The following SMYD2 variants were observed in gnomAD, a reference collection of about 807,000 sequenced individuals.
SMYD2 encodes the protein N-lysine methyltransferase SMYD2.
In SMYD2, 53 loss-of-function variants were observed where a neutral mutation model predicts 59.1. The ratio of observed to expected loss-of-function variants is 0.90; its 90% CI spans 0.72 to 1.13. The LOEUF is 1.13. SMYD2 is among the 50% of genes most tolerant of loss of function. The pLI, the probability that SMYD2 is intolerant of heterozygous loss-of-function variation, is 0.00. For synonymous variants in SMYD2, 208 were observed against 198.8 expected (o/e 1.05, Z -0.39); for missense variants, 494 against 544.7 (o/e 0.91, Z 0.93).
chr1:214,336,970 A>G lies in SMYD2; in HGVS notation c.*186A>G, dbSNP rs1657450324. The G allele has an allele frequency of 2.0e-6, 1 of 510,770 alleles. No homozygotes were observed. Among genetic ancestry groups the G allele is most frequent in the African/African-American group, 2.0e-5 (1 of 50,506 alleles). 31.6% of individuals were successfully genotyped at this position (510,770 alleles called of 1,614,324 possible). A position where few individuals can be genotyped will look rare whatever the true frequency, so the allele number is the denominator to read the frequency against. ...GTCTGAATCTTGAACTTTAATACCA[A>G]ATTAATTTTGAATGCTTTTGTTTCC... On this transcript the variant is annotated 3_prime_UTR_variant, in exon 12 of 12. Coordinates refer to ENST00000366957, the MANE Select transcript of SMYD2 (RefSeq NM_020197.3).
At chr1:214,330,105 G>A (rs1252574315) in intron 7 of SMYD2, 63 bp from the exon 8 acceptor site, 3 of 1,154,406 alleles carry the variant, frequency 2.6e-6, no homozygotes, top group South Asian at 3.1e-5. Context: ...GCAAAGGCAC[G>A]GGAATGACAA....
chr1:214,316,274 C>G (rs919513691), intron 3 of SMYD2, among the ~76,000 whole-genome samples: 1 of 152,048 alleles, frequency 6.6e-6, no homozygotes, highest in African/African-American at 2.4e-5. Flanking sequence ...AGTTCGAGAC[C>G]AGCCTTGGCA....
At chr1:214,336,600 C>T (rs1657442955) in intron 11 of SMYD2, 104 bp from the exon 12 acceptor site, 3 of 913,172 alleles carry the variant, frequency 3.3e-6, no homozygotes, top group Admixed American at 2.4e-5. Flanking sequence ...GGCCAGTTTG[C>T]ATCCTGTGCC....
intron 1 of SMYD2, among the ~76,000 whole-genome samples, chr1:214,293,011 TTGTGTGTGTGTGTGTGTGTGTGTGTG>T (rs58012666): frequency 0.012 from 1,650 of 137,432 alleles, 36 homozygotes; most frequent in African/African-American, 0.04. Context: ...CTTTTTCTGT[TTGTGTGTGTGTGTGTGTGTGTGTGTG>T]TGTGTGTGTG....
intron 1 of SMYD2, among the ~76,000 whole-genome samples, chr1:214,292,627 T>C (rs1410518893): frequency 6.6e-6 from 1 of 152,222 alleles, no homozygotes; most frequent in African/African-American, 2.4e-5. Flanking sequence ...GCCCTTTGCA[T>C]AGGCCTCATC....
In SMYD2 at chr1:214,319,003, G is replaced by GT. The variant is rs1219734990; in HGVS notation, c.534+21dup. 1 of 1,612,410 alleles carries GT rather than the reference G, an allele frequency of 6.2e-7. No individual in the cohort carries two copies. The highest frequency in any genetic ancestry group is 1.3e-5 in the African/African-American group (1 of 74,840). ...GCACAGGTAAGGACGCTGGCAGCAG[G>GT]TAACACTCAGTCTGGCCTTTCCCTC... is the stretch of plus-strand genomic sequence containing the variant. On this transcript the variant is annotated intron_variant, in intron 5 of 11. Coordinates refer to ENST00000366957, the MANE Select transcript of SMYD2 (RefSeq NM_020197.3).
intron 1 of SMYD2, among the ~76,000 whole-genome samples, chr1:214,300,415 G>T (rs1415519336): frequency 6.6e-6 from 1 of 151,988 alleles, no homozygotes; most frequent in African/African-American, 2.4e-5. Context: ...AGTGAAATGG[G>T]TTCCTGGAGC....
chr1:214,292,259 G>A (rs1656647843), intron 1 of SMYD2, among the ~76,000 whole-genome samples: 1 of 152,168 alleles, frequency 6.6e-6, no homozygotes, highest in Middle Eastern at 3.2e-3. Flanking sequence ...TTGCTCTGCT[G>A]TGTTATTTTC....
At chr1:214,332,447 T>C (rs1004850479) in intron 10 of SMYD2, 4 of 395,178 alleles carry the variant, frequency 1.0e-5, no homozygotes, top group African/African-American at 8.1e-5. Flanking sequence ...TCCAGGGCCA[T>C]ATCCATAGTA....
At chr1:214,320,721 C>T (rs1027882591) in intron 5 of SMYD2, among the ~76,000 whole-genome samples, 8 of 152,172 alleles carry the variant, frequency 5.3e-5, no homozygotes, top group Non-Finnish European at 1.0e-4. Context: ...CTTTTATAAA[C>T]TTTATTTAGA....
intron 11 of SMYD2, among the ~76,000 whole-genome samples, chr1:214,335,417 T>C (rs1238040123): frequency 6.6e-6 from 1 of 152,216 alleles, no homozygotes; most frequent in Non-Finnish European, 1.5e-5. Context: ...ACATGAGTCT[T>C]GAAATGAATG....
In SMYD2 at chr1:214,330,183, A is replaced by G; in HGVS notation, c.721A>G (p.Ile241Val). 1.2e-6 allele frequency: 2 copies of G among 1,609,374 alleles called. No individual in the cohort carries two copies. The highest frequency in any genetic ancestry group is 1.7e-6 in the Non-Finnish European group (2 of 1,177,296). ...GACCCCGTAGGTTTTTACCAGCTAT[A>G]TTGATCTCCTGTACCCAACGGAAGA... ...KPGEEVFTSY[I>V]DLLYPTEDRN... is the part of the protein sequence containing the mutation. Residue 241 changes from isoleucine (I) to valine (V), a missense_variant, in exon 8 of 12, where the codon ATT becomes GTT. Ile to Val is a conservative substitution (Grantham distance 29). Transcript: ENST00000366957.
chr1:214,309,642 A>G (rs543459886), intron 2 of SMYD2, among the ~76,000 whole-genome samples: 4 of 152,318 alleles, frequency 2.6e-5, no homozygotes, highest in Non-Finnish European at 5.9e-5. Context: ...AACATGTCTA[A>G]TAAATGCTGC....
intron 1 of SMYD2, among the ~76,000 whole-genome samples, chr1:214,290,393 G>A (rs1029151989): frequency 1.3e-5 from 2 of 152,144 alleles, no homozygotes; most frequent in African/African-American, 4.8e-5. Flanking sequence ...GAAGGTTTCG[G>A]ATGACTAAGT....
intron 2 of SMYD2, among the ~76,000 whole-genome samples, chr1:214,309,351 A>G (rs1431618137): frequency 1.3e-5 from 2 of 152,132 alleles, no homozygotes. Flanking sequence ...TGGGAAGCAA[A>G]GTATATTACT....
intron 10 of SMYD2, 62 bp from the exon 11 acceptor site, chr1:214,334,138 A>G: frequency 6.7e-7 from 1 of 1,496,204 alleles, no homozygotes; most frequent in Non-Finnish European, 9.3e-7. Context: ...TACTGCACCC[A>G]GCCTGTGGGG....
intron 6 of SMYD2, among the ~76,000 whole-genome samples, chr1:214,325,467 C>G (rs560965366): frequency 6.6e-6 from 1 of 152,316 alleles, no homozygotes; most frequent in Admixed American, 6.5e-5. Flanking sequence ...TAAGTTCTAT[C>G]CAGAGGGAGG....
At position 214,330,953 on chromosome 1, in the gene SMYD2, A is replaced by G; in HGVS notation, c.820A>G (p.Lys274Glu). ...CCCTTGTGGACGTTTCCTTCAGGAT[A>G]AGGCCAAGGTGGAAATCCGGAAGCT... ...CQECTTKDKD[K>E]AKVEIRKLSD... Residue 274 changes from lysine to glutamate, a missense_variant, in exon 9 of 12, where the codon AAG becomes GAG. Lys to Glu is a moderately conservative substitution (Grantham distance 56). Transcript: ENST00000366957. 6.2e-7 allele frequency: 1 copy of G among 1,614,164 alleles called. No individual in the cohort carries two copies. The highest frequency in any genetic ancestry group is 8.5e-7 in the Non-Finnish European group (1 of 1,180,028).
Position 214,314,811 on chromosome 1 carries a change from T to C in SMYD2, c.287T>C (p.Phe96Ser). 2.5e-6 allele frequency: 4 copies of C among 1,614,194 alleles called. No individual in the cohort carries two copies. Among genetic ancestry groups the C allele is most frequent in the Non-Finnish European group, 3.4e-6 (4 of 1,180,032 alleles). ...HKLECSPMVVFGENWNPSETV... is the reference protein window; with the variant it reads ...HKLECSPMVVSGENWNPSETV... ...CTGGAATGTTCTCCCATGGTTGTTT[T>C]TGGGGAAAACTGGAATCCCTCGGAG... The change falls in exon 3 of 12, where the codon TTT (phenylalanine) becomes TCT (serine). Residue 96 changes from phenylalanine (F) to serine (S), a missense_variant. Phe to Ser is a radical substitution (Grantham distance 155). Coordinates refer to ENST00000366957, the MANE Select transcript of SMYD2 (RefSeq NM_020197.3).
Sources: allele counts gnomAD v4.1 joint callset (sites outside exome capture counted in the v4.1 genomes callset), GRCh38; gene constraint gnomAD v4.1.1; transcripts MANE v1.5; gene names NCBI Gene and HGNC (gene_info 2026-07-23, HGNC 2026-07-21).